The following GRIA2 variants were observed in gnomAD, a reference collection of about 807,000 sequenced individuals.
GRIA2 encodes glutamate ionotropic receptor AMPA type subunit 2.
Under a neutral mutation model 97.3 loss-of-function variants are expected in GRIA2, and 14 were observed. That is an observed-to-expected ratio of 0.14 (90% confidence interval 0.10 to 0.23). The LOEUF is 0.23. Among genes scored for constraint, GRIA2 ranks in the 10% least tolerant of loss-of-function variants. The pLI, the probability that GRIA2 is intolerant of heterozygous loss-of-function variation, is 1.00. For synonymous variants in GRIA2, 412 were observed against 387.8 expected (o/e 1.06, Z -0.73); for missense variants, 558 against 1,069.8 (o/e 0.52, Z 6.67).
intron 12 of GRIA2, among the ~76,000 whole-genome samples, chr4:157,355,634 ATATATATTTATT>A (rs1268216858): frequency 2.1e-4 from 29 of 135,160 alleles, no homozygotes; most frequent in East Asian, 1.0e-3. Flanking sequence ...ATATTTATTT[ATATATATTTATT>A]TATATATTTA....
chr4:157,315,503 C>A (rs1182565306), intron 4 of GRIA2, among the ~76,000 whole-genome samples: 1 of 149,154 alleles, frequency 6.7e-6, no homozygotes, highest in Non-Finnish European at 1.5e-5. Context: ...TTTTATTAGG[C>A]TATGGGTTTT....
At chr4:157,310,342 A>G (rs146217632) in intron 3 of GRIA2, among the ~76,000 whole-genome samples, 3 of 152,324 alleles carry the variant, frequency 2.0e-5, no homozygotes, top group African/African-American at 7.2e-5. Flanking sequence ...TCATTTTGCC[A>G]GAAAAAAAGT....
intron 4 of GRIA2, among the ~76,000 whole-genome samples, chr4:157,313,308 G>A (rs909898129): frequency 1.3e-5 from 2 of 152,080 alleles, no homozygotes; most frequent in Non-Finnish European, 1.5e-5. Context: ...CCTCCAGAAA[G>A]AGTATGTAGT....
chr4:157,333,882 T>C (rs1735167888), intron 8 of GRIA2, 128 bp from the exon 9 acceptor site: 1 of 578,804 alleles, frequency 1.7e-6, no homozygotes, highest in African/African-American at 1.9e-5. Flanking sequence ...AAAAGACATT[T>C]CTATTTAGAA....
At chr4:157,354,358 G>A (rs956809269) in intron 12 of GRIA2, among the ~76,000 whole-genome samples, 8 of 152,116 alleles carry the variant, frequency 5.3e-5, no homozygotes, top group South Asian at 2.1e-4. Context: ...TTATTCAGGC[G>A]TGCTTAATTT....
chr4:157,356,239 G>A (rs865880268), intron 12 of GRIA2, among the ~76,000 whole-genome samples: 9 of 138,698 alleles, frequency 6.5e-5, no homozygotes, highest in African/African-American at 2.2e-4. Flanking sequence ...TTTAAATTTC[G>A]TGAAAAGCAG....
chr4:157,272,410 C>A (rs1345090654), intron 2 of GRIA2, among the ~76,000 whole-genome samples: 1 of 151,938 alleles, frequency 6.6e-6, no homozygotes, highest in Non-Finnish European at 1.5e-5. Context: ...AGAATCCCAA[C>A]CAACTGGAGC....
intron 2 of GRIA2, among the ~76,000 whole-genome samples, chr4:157,224,151 G>A (rs1017324222): frequency 3.3e-5 from 5 of 152,104 alleles, no homozygotes; most frequent in Admixed American, 1.3e-4. Flanking sequence ...CATTTGCACA[G>A]TTTTTTCCCC....
At chr4:157,359,655 T>C (rs543081409) in intron 12 of GRIA2, among the ~76,000 whole-genome samples, 2 of 152,310 alleles carry the variant, frequency 1.3e-5, no homozygotes, top group African/African-American at 2.4e-5. Flanking sequence ...CTTCTAGATA[T>C]ACAGTATTTT....
intron 4 of GRIA2, among the ~76,000 whole-genome samples, chr4:157,313,918 T>G (rs1734199722): frequency 6.6e-6 from 1 of 152,130 alleles, no homozygotes; most frequent in South Asian, 2.1e-4. Flanking sequence ...TATAATAAAG[T>G]AAGCTAGGGA....
chr4:157,335,586 T>C (rs1193556319), intron 9 of GRIA2, 85 bp from the exon 10 acceptor site: 13 of 802,810 alleles, frequency 1.6e-5, no homozygotes, highest in Middle Eastern at 4.6e-4. Flanking sequence ...TAATGGGTAA[T>C]AATTAAACCA....
intron 2 of GRIA2, among the ~76,000 whole-genome samples, chr4:157,226,466 T>C (rs1422953744): frequency 6.6e-6 from 1 of 152,124 alleles, no homozygotes; most frequent in African/African-American, 2.4e-5. Flanking sequence ...GAATAGATTG[T>C]AAATGCTCTT....
In GRIA2 at chr4:157,361,467, G is replaced by T; in HGVS notation, c.2406+343G>T. 1 of 1,168,536 alleles carries T rather than the reference G, an allele frequency of 8.6e-7. No individual in the cohort carries two copies. The highest frequency in any genetic ancestry group is 1.3e-5 in the South Asian group (1 of 77,716). 72.4% of individuals were successfully genotyped at this position (1,168,536 alleles called of 1,614,324 possible). On this transcript the variant is annotated intron_variant, in intron 14 of 15. Coordinates refer to ENST00000264426, the MANE Select transcript of GRIA2 (RefSeq NM_001083619.3). This position sits in a 1 kb window ranked among gnomAD's most constrained non-coding sequence, Gnocchi z 5.2. ...TGACTATCGCTCTTACAAAGCTCTT[G>T]AATCAGTATTATGTAATGAATAACA... is the stretch of plus-strand genomic sequence containing the variant.
chr4:157,358,913 C>T (rs1271603301), intron 12 of GRIA2, among the ~76,000 whole-genome samples: 2 of 152,062 alleles, frequency 1.3e-5, no homozygotes, highest in African/African-American at 2.4e-5. Flanking sequence ...ACAAACCCCC[C>T]CCAAACCTCT....
rs539018095 is a variant in GRIA2, at chr4:157,321,916, G to A, written c.882+317G>A. ...AGCCAGACACTTTTTTGGCAAATAA[G>A]ACAGGGATAATGTCCCTGCTCACAG... On this transcript the variant is annotated intron_variant, in intron 6 of 15. Coordinates refer to ENST00000264426, the MANE Select transcript of GRIA2 (RefSeq NM_001083619.3). 4.6e-5 allele frequency among the ~76,000 whole-genome samples: 7 copies of A among 152,032 alleles called. No individual in the cohort carries two copies. In the East Asian group the frequency reaches 1.4e-3, roughly 29 times the overall value.
At chr4:157,312,115 A>G (rs1560760331) in intron 3 of GRIA2, among the ~76,000 whole-genome samples, 1 of 151,978 alleles carries the variant, frequency 6.6e-6, no homozygotes, top group Non-Finnish European at 1.5e-5. Context: ...ACATAACAGA[A>G]GACTGTGGAA....
rs886317132 is a variant in GRIA2 at position 157,364,067 on chromosome 4, C to T, written c.*636C>T. On this transcript the variant is annotated 3_prime_UTR_variant, in exon 16 of 16. Transcript: ENST00000264426. ...GTTGAATAAGACAAAAACAATTAAA[C>T]TGAGTGGGAAGTGAATAAAAAAAGG... The T allele has an allele frequency of 2.0e-5, 3 of 152,406 alleles. No homozygotes were observed. The highest frequency in any genetic ancestry group is 4.4e-5 in the Non-Finnish European group (3 of 68,030). 9.4% of individuals were successfully genotyped at this position (152,406 alleles called of 1,614,324 possible).
intron 2 of GRIA2, among the ~76,000 whole-genome samples, chr4:157,273,801 A>G (rs1732147688): frequency 1.3e-5 from 2 of 152,108 alleles, no homozygotes; most frequent in Admixed American, 6.6e-5. Context: ...TAAAGAAAAG[A>G]ACAGAACTAA....
At chr4:157,314,824 G>C (rs1734239687) in intron 4 of GRIA2, among the ~76,000 whole-genome samples, 1 of 152,152 alleles carries the variant, frequency 6.6e-6, no homozygotes, top group African/African-American at 2.4e-5. Context: ...ATGAGCACAT[G>C]CAATGGATGG....
Sources: allele counts gnomAD v4.1 joint callset (sites outside exome capture counted in the v4.1 genomes callset), GRCh38; gene constraint gnomAD v4.1.1; non-coding constraint Gnocchi (gnomAD v3.1); transcripts MANE v1.5; gene names NCBI Gene and HGNC (gene_info 2026-07-23, HGNC 2026-07-21).